Variants in GABRA6 observed in about 807,000 individuals in gnomAD.
The protein encoded by GABRA6 is gamma-aminobutyric acid receptor subunit alpha-6.
A neutral mutation model predicts 47.3 loss-of-function variants in GABRA6; 45 were observed. That is an observed-to-expected ratio of 0.95 (90% CI 0.75 to 1.22). The LOEUF (loss-of-function observed/expected upper bound fraction) is 1.22. Ranked by LOEUF, GABRA6 falls within the 50% of genes most tolerant of loss-of-function variation. GABRA6 has a pLI of 0.00. For synonymous variants in GABRA6, 219 were observed against 194.7 expected (o/e 1.12, Z -1.04); for missense variants, 583 against 549.3 (o/e 1.06, Z -0.61).
intron 8 of GABRA6, among the ~76,000 whole-genome samples, chr5:161,698,774 G>T (rs183518533): frequency 6.6e-6 from 1 of 152,178 alleles, no homozygotes; most frequent in Admixed American, 6.5e-5. Flanking sequence ...AACTCTCCTT[G>T]TTCTCTTAAC....
chr5:161,699,761 A>C (rs1003440784), intron 8 of GABRA6, among the ~76,000 whole-genome samples: 1 of 151,996 alleles, frequency 6.6e-6, no homozygotes, highest in Non-Finnish European at 1.5e-5. Flanking sequence ...TGCACAGCCC[A>C]TCTATTTTTA....
intron 8 of GABRA6, among the ~76,000 whole-genome samples, chr5:161,692,520 G>A (rs1198612417): frequency 6.6e-6 from 1 of 152,088 alleles, no homozygotes; most frequent in Non-Finnish European, 1.5e-5. Flanking sequence ...TACCAAGTAG[G>A]GGCAAAAAAG....
chr5:161,690,225 A>G lies in GABRA6; in HGVS notation c.698A>G (p.Tyr233Cys). The G allele has an allele frequency of 6.2e-7, 1 of 1,613,754 alleles. No individual in the cohort carries two copies. Among genetic ancestry groups the G allele is most frequent in the Non-Finnish European group, 8.5e-7 (1 of 1,179,724 alleles). Residue 233 changes from tyrosine (Y) to cysteine (C), a missense_variant, in exon 7 of 9, where the codon TAC becomes TGC. Transcript: ENST00000274545. ...GGTGAATACGTTATAATGACAGTTT[A>G]CTTCCACTTGCAAAGGAAGATGGGC... The part of the protein sequence containing the change: ...NTGEYVIMTV[Y>C]FHLQRKMGYF...
intron 8 of GABRA6, among the ~76,000 whole-genome samples, chr5:161,697,725 T>C (rs1157380912): frequency 6.6e-6 from 1 of 152,164 alleles, no homozygotes; most frequent in East Asian, 1.9e-4. Context: ...AGATCAGTAG[T>C]TCTGAGCTTC....
In GABRA6 at chr5:161,690,216, T is replaced by G; in HGVS notation, c.689T>G (p.Met230Arg). 3 of 1,613,780 alleles carry G rather than the reference T, an allele frequency of 1.9e-6. No homozygotes were observed. Among genetic ancestry groups the G allele is most frequent in the Non-Finnish European group, 2.5e-6 (3 of 1,179,754 alleles). ...CTTCCAACAGGTGAATACGTTATAA[T>G]GACAGTTTACTTCCACTTGCAAAGG... ...IKSNTGEYVI[M>R]TVYFHLQRKM... Residue 230 changes from methionine to arginine, a missense_variant, in exon 7 of 9, where the codon ATG becomes AGG. Coordinates refer to ENST00000274545, the MANE Select transcript of GABRA6 (RefSeq NM_000811.3).
At chr5:161,697,528 C>G (rs185026819) in intron 8 of GABRA6, among the ~76,000 whole-genome samples, 24 of 152,272 alleles carry the variant, frequency 1.6e-4, no homozygotes, top group African/African-American at 5.1e-4. Context: ...CAGTGGGACA[C>G]TTGTGACTCT....
intron 8 of GABRA6, among the ~76,000 whole-genome samples, chr5:161,694,714 A>G (rs1183668716): frequency 1.3e-5 from 2 of 152,128 alleles, no homozygotes; most frequent in Non-Finnish European, 2.9e-5. Flanking sequence ...TTTACTTAAA[A>G]TGTTTTAAAG....
chr5:161,701,284 T>G (rs1286006575), intron 8 of GABRA6, among the ~76,000 whole-genome samples: 1 of 152,186 alleles, frequency 6.6e-6, no homozygotes, highest in Non-Finnish European at 1.5e-5. Context: ...TAATAGAATG[T>G]CAGATGGAAG....
At chr5:161,699,499 T>C (rs1230974410) in intron 8 of GABRA6, among the ~76,000 whole-genome samples, 3 of 151,628 alleles carry the variant, frequency 2.0e-5, no homozygotes, top group Admixed American at 6.6e-5. Flanking sequence ...AGACAGTTAC[T>C]CTGCTTCTAT....
In GABRA6 at chr5:161,701,747, A is replaced by G. The variant is rs1432205443; in HGVS notation, c.1336A>G (p.Met446Val). The G allele has an allele frequency of 6.8e-6, 11 of 1,613,996 alleles. No individual in the cohort carries two copies. Among genetic ancestry groups the G allele is most frequent in the South Asian group, 1.1e-5 (1 of 91,094 alleles). ...GGTAGTTTATCTTTCCAAAGATACAATGGAAGTCAGTAGCAGTGTTGAATA... is the reference window on the plus strand; with the variant it reads ...GGTAGTTTATCTTTCCAAAGATACAGTGGAAGTCAGTAGCAGTGTTGAATA... ...YWVVYLSKDT[M>V]EVSSSVE is the part of the protein sequence containing the mutation. Residue 446 changes from methionine (M) to valine (V), a missense_variant, in exon 9 of 9, where the codon ATG becomes GTG. Coordinates refer to ENST00000274545, the MANE Select transcript of GABRA6 (RefSeq NM_000811.3).
At chr5:161,691,145 T>G (rs1561725085) in intron 7 of GABRA6, among the ~76,000 whole-genome samples, 1 of 151,966 alleles carries the variant, frequency 6.6e-6, no homozygotes, top group Non-Finnish European at 1.5e-5. Context: ...GAGTAAATAT[T>G]ATACCTTAAA....
intron 7 of GABRA6, among the ~76,000 whole-genome samples, chr5:161,691,363 T>C (rs1356937735): frequency 2.8e-5 from 4 of 141,370 alleles, no homozygotes; most frequent in Middle Eastern, 3.7e-3. Context: ...TGGCGGGATC[T>C]CGGCTCACTG....
At position 161,701,485 on chromosome 5, in the gene GABRA6, CT is replaced by C; in HGVS notation, c.1087-7del. 2 of 1,613,734 alleles carry C rather than the reference CT, an allele frequency of 1.2e-6. No individual in the cohort carries two copies. On this transcript the variant is annotated splice_polypyrimidine_tract_variant and intron_variant, in intron 8 of 8. Transcript: ENST00000274545. ...TCTTTCATTTGGGCTTAATATTTGT[CT>C]TTTTTCCACAGCATCCTGACTCCAA... is the stretch of plus-strand genomic sequence containing the variant.
In GABRA6 at chr5:161,689,735, T is replaced by C; in HGVS notation, c.629T>C (p.Leu210Pro). Residue 210 changes from leucine (L) to proline (P), a missense_variant, in exon 6 of 9, where the codon CTG (leucine) becomes CCG (proline). Transcript: ENST00000274545. ...EESSSLLQYD[L>P]IGQTVSSETI... is the part of the protein sequence containing the mutation. Reference sequence around the variant, plus strand: ...TCTTCAAGCCTTCTCCAGTATGATCTGATTGGACAAACAGTATCTAGTGAG... The same window carrying C: ...TCTTCAAGCCTTCTCCAGTATGATCCGATTGGACAAACAGTATCTAGTGAG... 1 of 1,613,416 alleles carries C rather than the reference T, an allele frequency of 6.2e-7. No individual in the cohort carries two copies. Among genetic ancestry groups the C allele is most frequent in the Non-Finnish European group, 8.5e-7 (1 of 1,179,376 alleles).
Position 161,689,060 on chromosome 5 carries a change from A to G in GABRA6, c.337A>G (p.Thr113Ala), listed in dbSNP as rs140230054. Reference protein sequence around the residue: ...LNNLMVSKIWTPDTFFRNGKK... With the variant: ...LNNLMVSKIWAPDTFFRNGKK... ...TAATTTGATGGTCAGTAAAATCTGG[A>G]CGCCTGACACCTTTTTCAGAAATGG... Residue 113 changes from threonine (T) to alanine (A), a missense_variant, in exon 4 of 9, where the codon ACG (threonine) becomes GCG (alanine). Coordinates refer to ENST00000274545, the MANE Select transcript of GABRA6 (RefSeq NM_000811.3). 1 of 1,613,866 alleles carries G rather than the reference A, an allele frequency of 6.2e-7. No individual in the cohort carries two copies. Among genetic ancestry groups the G allele is most frequent in the Non-Finnish European group, 8.5e-7 (1 of 1,179,948 alleles).
intron 5 of GABRA6, 38 bp downstream of exon 5, chr5:161,689,374 T>C (rs1754754770): frequency 1.3e-6 from 2 of 1,510,226 alleles, no homozygotes; most frequent in Non-Finnish European, 1.8e-6. Flanking sequence ...AAATAATACA[T>C]CCAAAATATA....
intron 3 of GABRA6, chr5:161,687,292 C>T (rs1406659911): frequency 6.9e-6 from 3 of 435,994 alleles, no homozygotes; most frequent in Non-Finnish European, 1.3e-5. Context: ...TTTCCCCTTT[C>T]TTTGTGAAGC....
In GABRA6 at chr5:161,688,828, A is replaced by G. The variant is rs974729022; in HGVS notation, c.226-121A>G. The G allele has an allele frequency of 5.1e-6, 4 of 790,188 alleles. No homozygotes were observed. In the African/African-American group the frequency reaches 6.9e-5, roughly 14 times the overall value. 48.9% of individuals were successfully genotyped at this position (790,188 alleles called of 1,614,324 possible). On this transcript the variant is annotated intron_variant, in intron 3 of 8. Transcript: ENST00000274545. The stretch of plus-strand genomic sequence containing the variant: ...AGCTAAAATTATAGCTTTGTGAGAA[A>G]TTATTGCGATAAAAAGTTGCTTTAT...
chr5:161,689,030 CT>C lies in GABRA6; in HGVS notation c.308del (p.Leu103ArgfsTer4). On this transcript the variant is annotated frameshift_variant, in exon 4 of 9. Transcript: ENST00000274545. LOFTEE classifies it high-confidence loss of function. ...KFGGPTEILS[L>X]NNLMVSKIWT... ...TGGGGGGCCAACTGAGATTCTGAGT[CT>C]GAATAATTTGATGGTCAGTAAAATC... The C allele has an allele frequency of 6.2e-7, 1 of 1,614,020 alleles. No homozygotes were observed. Among genetic ancestry groups the C allele is most frequent in the Non-Finnish European group, 8.5e-7 (1 of 1,179,960 alleles).
Sources: gnomAD v4.1 joint callset for allele counts (sites outside exome capture counted in the v4.1 genomes callset) on GRCh38, gnomAD v4.1.1 for gene constraint, MANE v1.5 for transcripts, NCBI Gene and HGNC (gene_info 2026-07-23, HGNC 2026-07-21) for gene names.